RIMS2: variants seen among roughly 807,000 people sequenced by gnomAD.
The protein encoded by RIMS2 is regulating synaptic membrane exocytosis protein 2.
Under a neutral mutation model 174.4 loss-of-function variants are expected in RIMS2, and 59 were observed. The ratio of observed to expected loss-of-function variants is 0.34; its 90% CI spans 0.27 to 0.42. The LOEUF (loss-of-function observed/expected upper bound fraction) is 0.42, where lower values mean the gene tolerates loss of function less well. RIMS2 is among the 10% of genes least tolerant of loss of function. The probability of loss-of-function intolerance (pLI) is 1.00; values close to 1 mark genes in which losing one functional copy is unlikely to be tolerated. For synonymous variants in RIMS2, 606 were observed against 572.5 expected, an observed-to-expected ratio of 1.06 and a Z score of -0.84; for missense variants, 1,620 against 1,666.3, an observed-to-expected ratio of 0.97 and a Z score of 0.48.
At chr8:103,716,584 C>CA (rs2097370811) in intron 2 of RIMS2, among the ~76,000 whole-genome samples, 1 of 151,862 alleles carries the variant, frequency 6.6e-6, no homozygotes, top group Non-Finnish European at 1.5e-5. Context: ...TAGAATTTAG[C>CA]ATTTTTTTCA....
chr8:104,183,038 A>T (rs1301488139), intron 19 of RIMS2, among the ~76,000 whole-genome samples: 1 of 151,760 alleles, frequency 6.6e-6, no homozygotes, highest in South Asian at 2.1e-4. Flanking sequence ...ATGAATCCAT[A>T]AGGATATAGA....
chr8:104,225,118 T>C (rs1352182499), intron 19 of RIMS2, among the ~76,000 whole-genome samples: 1 of 152,252 alleles, frequency 6.6e-6, no homozygotes, highest in Admixed American at 6.5e-5. Context: ...CTAAAACTTT[T>C]AGTACTTATT....
chr8:103,932,047 C>T (rs2080074414), intron 12 of RIMS2, among the ~76,000 whole-genome samples: 1 of 151,996 alleles, frequency 6.6e-6, no homozygotes, highest in Non-Finnish European at 1.5e-5. Flanking sequence ...TCTAATCACT[C>T]TGAATTTCAG....
intron 1 of RIMS2, among the ~76,000 whole-genome samples, chr8:103,626,174 G>T (rs980800611): frequency 6.6e-6 from 1 of 152,104 alleles, no homozygotes; most frequent in Non-Finnish European, 1.5e-5. Flanking sequence ...ACTGTCATGA[G>T]AATGTTTCAT....
intron 19 of RIMS2, among the ~76,000 whole-genome samples, chr8:104,153,361 G>T (rs945272907): frequency 2.6e-5 from 4 of 152,116 alleles, no homozygotes; most frequent in Non-Finnish European, 5.9e-5. Context: ...GTCATAGTAT[G>T]TCTATCTGAC....
intron 1 of RIMS2, among the ~76,000 whole-genome samples, chr8:103,668,653 G>GATTTGTTTATTT (rs2096705971): frequency 6.7e-6 from 1 of 149,084 alleles, no homozygotes; most frequent in Non-Finnish European, 1.5e-5. Flanking sequence ...GAGTATAGAC[G>GATTTGTTTATTT]ATTTATTTAT....
At chr8:103,929,074 A>C (rs1018084771) in intron 11 of RIMS2, among the ~76,000 whole-genome samples, 1 of 151,730 alleles carries the variant, frequency 6.6e-6, no homozygotes, top group African/African-American at 2.4e-5. Flanking sequence ...GTCTATTAAA[A>C]GGTGTAATTT....
intron 1 of RIMS2, among the ~76,000 whole-genome samples, chr8:103,693,435 T>A (rs1007647916): frequency 6.6e-6 from 1 of 152,214 alleles, no homozygotes; most frequent in African/African-American, 2.4e-5. Flanking sequence ...GGAGGATAAT[T>A]AATGGAGGCT....
chr8:103,827,614 A>T (rs2098799423), intron 3 of RIMS2, among the ~76,000 whole-genome samples: 1 of 152,212 alleles, frequency 6.6e-6, no homozygotes, highest in Admixed American at 6.5e-5. Context: ...AGGCAGGCAG[A>T]TCACGAGGTC....
At chr8:103,897,834 C>A (rs969628851) in intron 4 of RIMS2, among the ~76,000 whole-genome samples, 9 of 151,544 alleles carry the variant, frequency 5.9e-5, no homozygotes, top group Non-Finnish European at 1.3e-4. Flanking sequence ...GCTTTTAATA[C>A]CATATAGTTT....
chr8:103,956,389 G>A (rs1041725100), intron 14 of RIMS2, among the ~76,000 whole-genome samples: 10 of 152,264 alleles, frequency 6.6e-5, no homozygotes, highest in African/African-American at 2.4e-4. Context: ...CATGGCACTG[G>A]TACCAAAACA....
At chr8:103,776,959 C>T (rs978102433) in intron 3 of RIMS2, among the ~76,000 whole-genome samples, 2 of 152,088 alleles carry the variant, frequency 1.3e-5, no homozygotes, top group Non-Finnish European at 2.9e-5. Flanking sequence ...AACAGAAGAA[C>T]TTTACTATAT....
intron 1 of RIMS2, chr8:103,652,691 A>C (rs1298357595): frequency 7.4e-7 from 1 of 1,350,128 alleles, no homozygotes; most frequent in Admixed American, 1.9e-5. Flanking sequence ...AAAACAACAA[A>C]ATGAAAAGGA....
At chr8:103,633,032 CTTT>C (rs34279617) in intron 1 of RIMS2, among the ~76,000 whole-genome samples, 1 of 138,122 alleles carries the variant, frequency 7.2e-6, no homozygotes, top group African/African-American at 2.7e-5. Flanking sequence ...CGCGCCAGGC[CTTT>C]TTTTTTTTTG....
intron 3 of RIMS2, among the ~76,000 whole-genome samples, chr8:103,770,537 T>C (rs1028320316): frequency 6.6e-6 from 1 of 152,068 alleles, no homozygotes; most frequent in Admixed American, 6.6e-5. Flanking sequence ...GATCGTGCCA[T>C]TGCATTCCAG....
chr8:103,738,178 C>A (rs2097711483), intron 2 of RIMS2, among the ~76,000 whole-genome samples: 1 of 151,914 alleles, frequency 6.6e-6, no homozygotes, highest in South Asian at 2.1e-4. Flanking sequence ...TGCCCTCAAC[C>A]CAAAATGAGC....
Position 103,910,211 on chromosome 8 carries a change from G to A in RIMS2, c.1692+10G>A, listed in dbSNP as rs369153281. On this transcript the variant is annotated intron_variant, in intron 5 of 23. Transcript: ENST00000504942. ...ATCCCCAATGTCTTTGGTGAGACAT[G>A]TGGAGCCTTACTATTTAATTTTCGT... 6.6e-5 allele frequency: 105 copies of A among 1,587,604 alleles called. No homozygotes were observed. In the African/African-American group the frequency reaches 1.3e-3, roughly 20 times the overall value.
At chr8:103,569,019 C>T in intron 1 of RIMS2, 1 of 443,788 alleles carries the variant, frequency 2.3e-6, no homozygotes, top group South Asian at 3.2e-5. Context: ...TGATGGAGGC[C>T]TTTGCACAAA....
intron 1 of RIMS2, among the ~76,000 whole-genome samples, chr8:103,564,879 G>T (rs910020260): frequency 4.6e-5 from 7 of 152,130 alleles, no homozygotes; most frequent in South Asian, 2.1e-4. Context: ...CAACCATCAC[G>T]CTGGTCTTAC....
Sources: allele counts gnomAD v4.1 joint callset (sites outside exome capture counted in the v4.1 genomes callset), GRCh38; gene constraint gnomAD v4.1.1; transcripts MANE v1.5; gene names NCBI Gene and HGNC (gene_info 2026-07-23, HGNC 2026-07-21).